Variants in ANK2 observed in about 807,000 individuals in gnomAD.
The protein encoded by ANK2 is ankyrin 2.
A neutral mutation model predicts 360.5 loss-of-function variants in ANK2; 83 were observed. That is an observed-to-expected ratio of 0.23 (90% CI 0.19 to 0.28). The LOEUF is 0.28. ANK2 is among the 10% of genes least tolerant of loss of function. The pLI, the probability that ANK2 is intolerant of heterozygous loss-of-function variation, is 1.00. For synonymous variants in ANK2, 1,740 were observed against 1,759.5 expected (o/e 0.99, Z 0.28); for missense variants, 4,201 against 4,795.7 (o/e 0.88, Z 3.66).
chr4:113,337,107 T>C (rs769427884), intron 31 of ANK2, among the ~76,000 whole-genome samples: 3 of 152,202 alleles, frequency 2.0e-5, no homozygotes, highest in Non-Finnish European at 2.9e-5. Context: ...AAATATTTGG[T>C]GGTGTTGGGA....
chr4:112,925,583 C>A (rs2092428382), intron 2 of ANK2, among the ~76,000 whole-genome samples: 1 of 152,106 alleles, frequency 6.6e-6, no homozygotes, highest in African/African-American at 2.4e-5. Context: ...TGGCATAGTC[C>A]TCCTAGTTCC....
chr4:112,814,228 T>G (rs1419219508), upstream of ANK2, among the ~76,000 whole-genome samples: 2 of 152,212 alleles, frequency 1.3e-5, no homozygotes, highest in Non-Finnish European at 2.9e-5. Flanking sequence ...TTTCTTATAG[T>G]CTTTCCTGAG....
chr4:112,926,408 A>G (rs1379913623), intron 2 of ANK2, among the ~76,000 whole-genome samples: 1 of 152,136 alleles, frequency 6.6e-6, no homozygotes, highest in Non-Finnish European at 1.5e-5. Flanking sequence ...TTTTATGTTT[A>G]TTGTCTGAGG....
chr4:113,072,742 A>ATTTTTTTTTTTTTTTTTTTT (rs34098456), intron 1 of ANK2, among the ~76,000 whole-genome samples: 6 of 74,220 alleles, frequency 8.1e-5, no homozygotes, highest in Non-Finnish European at 1.1e-4. Context: ...ACTTGGCATA[A>ATTTTTTTTTTTTTTTTTTTT]TTTTTTTTTT....
chr4:113,227,654 A>T (rs2099241357), intron 4 of ANK2, among the ~76,000 whole-genome samples: 2 of 152,158 alleles, frequency 1.3e-5, no homozygotes, highest in South Asian at 4.1e-4. Flanking sequence ...ATTCATCCAC[A>T]GGATGGAGTC....
chr4:112,744,161 T>G, the ANK2 span, among the ~76,000 whole-genome samples: 4 of 152,226 alleles, frequency 2.6e-5, no homozygotes, highest in African/African-American at 9.6e-5. Context: ...CTGTGATTAC[T>G]TTTGCACCAA....
At chr4:113,188,453 TA>T (rs2098586507) in intron 2 of ANK2, among the ~76,000 whole-genome samples, 2 of 152,142 alleles carry the variant, frequency 1.3e-5, no homozygotes, top group Admixed American at 1.3e-4. Context: ...CTTCTACTTA[TA>T]GGGGGAAACT....
At chr4:113,187,646 A>T (rs2098554671) in intron 2 of ANK2, among the ~76,000 whole-genome samples, 1 of 152,224 alleles carries the variant, frequency 6.6e-6, no homozygotes, top group Admixed American at 6.5e-5. Context: ...AACAGGGTTA[A>T]AATTAAACTT....
chr4:112,935,045 T>G (rs543772635), intron 2 of ANK2, among the ~76,000 whole-genome samples: 1 of 152,044 alleles, frequency 6.6e-6, no homozygotes, highest in African/African-American at 2.4e-5. Context: ...TTTTGGTTGT[T>G]CCAGGAGCAC....
In ANK2 at chr4:112,846,375, T is replaced by C. The variant is rs1232518473; in HGVS notation, c.-40+28111T>C. Among the ~76,000 whole-genome samples, 3 of 152,114 alleles carry C rather than the reference T, an allele frequency of 2.0e-5. No individual in the cohort carries two copies. In the South Asian group the frequency reaches 6.2e-4, roughly 31 times the overall value. ...ATCTGCCCTGCTTAGCCTCCCAAAG[T>C]GCTAGCTAGGATTACAGACATGAGC... is the stretch of plus-strand genomic sequence containing the variant. On this transcript the variant is annotated intron_variant, in intron 1 of 30. Coordinates refer to the ANK2 transcript ENST00000503271.
chr4:113,017,404 C>A (rs1006864431), intron 2 of ANK2, among the ~76,000 whole-genome samples: 1 of 151,488 alleles, frequency 6.6e-6, no homozygotes, highest in Admixed American at 6.6e-5. Flanking sequence ...CTGCTCCATG[C>A]ATGTCTTTGA....
At chr4:112,903,900 T>A (rs2084309298) in intron 1 of ANK2, among the ~76,000 whole-genome samples, 1 of 152,202 alleles carries the variant, frequency 6.6e-6, no homozygotes, top group Non-Finnish European at 1.5e-5. Flanking sequence ...TTACCATGTG[T>A]CATGAAGGAT....
intron 37 of ANK2, 68 bp downstream of exon 37, chr4:113,350,317 T>G: frequency 2.2e-6 from 3 of 1,381,758 alleles, no homozygotes; most frequent in Non-Finnish European, 3.0e-6. Context: ...TGAATTAAAA[T>G]GCAAGCTAGT....
At chr4:112,924,038 A>G (rs563183160) in intron 2 of ANK2, among the ~76,000 whole-genome samples, 3 of 152,244 alleles carry the variant, frequency 2.0e-5, no homozygotes, top group Admixed American at 6.5e-5. Flanking sequence ...CTGACATTTT[A>G]AAACTAAGGG....
At chr4:113,152,000 A>G (rs1437074112) in intron 1 of ANK2, among the ~76,000 whole-genome samples, 2 of 137,860 alleles carry the variant, frequency 1.5e-5, no homozygotes, top group Non-Finnish European at 3.0e-5. Flanking sequence ...TAGGAGGTGG[A>G]GATTGCAGTG....
At chr4:113,166,984 A>C (rs959559799) in intron 1 of ANK2, among the ~76,000 whole-genome samples, 5 of 152,302 alleles carry the variant, frequency 3.3e-5, no homozygotes, top group Middle Eastern at 6.8e-3. Context: ...TTTGATTCTT[A>C]GTAAGCATTC....
At chr4:112,926,280 T>G (rs2092539080) in intron 2 of ANK2, among the ~76,000 whole-genome samples, 2 of 152,194 alleles carry the variant, frequency 1.3e-5, no homozygotes, top group African/African-American at 4.8e-5. Flanking sequence ...CAGATCCTCA[T>G]GTTGTTCATT....
the ANK2 span, among the ~76,000 whole-genome samples, chr4:112,773,811 A>T: frequency 6.6e-6 from 1 of 151,886 alleles, no homozygotes; most frequent in Non-Finnish European, 1.5e-5. Flanking sequence ...TAATTAATTT[A>T]TTTTTTTGAT....
chr4:113,072,984 G>GTT (rs2078318533), intron 1 of ANK2, among the ~76,000 whole-genome samples: 1 of 113,356 alleles, frequency 8.8e-6, no homozygotes, highest in African/African-American at 3.5e-5. Flanking sequence ...TTTTTTGAGG[G>GTT]GAGGTCTTGC....
Sources: gnomAD v4.1 joint callset for allele counts (sites outside exome capture counted in the v4.1 genomes callset) on GRCh38, gnomAD v4.1.1 for gene constraint, MANE v1.5 for transcripts, NCBI Gene and HGNC (gene_info 2026-07-23, HGNC 2026-07-21) for gene names.